The following C4orf50 variants were observed in gnomAD, a reference collection of about 807,000 sequenced individuals.
C4orf50 encodes uncharacterized protein C4orf50.
C4orf50 carries 80 observed loss-of-function variants against 77.2 expected under a neutral mutation model. That is an observed-to-expected ratio of 1.04 (90% CI 0.87 to 1.25). The LOEUF is 1.25. Ranked by LOEUF, C4orf50 falls within the 50% of genes most tolerant of loss-of-function variation. The probability of loss-of-function intolerance (pLI) is 0.00; values close to 1 mark genes in which losing one functional copy is unlikely to be tolerated. For synonymous variants in C4orf50, 532 were observed against 465.3 expected (o/e 1.14, Z -1.84); for missense variants, 1,257 against 1,152.9 (o/e 1.09, Z -1.31).
At chr4:5,915,278 G>A (rs6827775) in intron 7 of C4orf50, among the ~76,000 whole-genome samples, 1,653 of 152,214 alleles carry the variant, frequency 0.011, 34 homozygotes, top group African/African-American at 0.038. Flanking sequence ...TTGTCCACAC[G>A]CTTTAAGGTT....
chr4:5,983,277 C>T (rs1577964459), intron 28 of C4orf50, among the ~76,000 whole-genome samples: 1 of 152,326 alleles, frequency 6.6e-6, no homozygotes, highest in East Asian at 1.9e-4. Flanking sequence ...GGCTTCCTAC[C>T]ACATCTAGAA....
At chr4:6,010,119 G>A (rs1485554472) in intron 24 of C4orf50, among the ~76,000 whole-genome samples, 1 of 152,030 alleles carries the variant, frequency 6.6e-6, no homozygotes, top group Non-Finnish European at 1.5e-5. Context: ...AATTCACCTC[G>A]GAAATCCTAC....
In C4orf50 at chr4:5,992,855, G is replaced by A. The variant is rs564896882; in HGVS notation, c.1169C>T (p.Pro390Leu). ...TCTGGGGAGCTCGCTTGTGGTCTCC[G>A]GGCCTGGAGCCAAAACAGAAGAGGC... The change falls in exon 27 of 34, where the codon CCG (proline) becomes CTG (leucine). Residue 390 changes from proline (P) to leucine (L), a missense_variant. By Grantham distance (98) the Pro-to-Leu change is moderately conservative. Coordinates refer to ENST00000531445, the Ensembl canonical transcript of C4orf50. The surrounding 1 kb of genome is among the most constrained non-coding windows in gnomAD (Gnocchi z 5.0). 761 of 399,106 alleles carry A rather than the reference G, an allele frequency of 1.9e-3. 3 individuals carry two copies. The highest frequency in any genetic ancestry group is 8.8e-3 in the Middle Eastern group (14 of 1,588). The allele number at this position is 399,106 out of a possible 1,614,324, so 24.7% of individuals were successfully genotyped here.
At position 6,008,297 on chromosome 4, in the gene C4orf50, G is replaced by A; in HGVS notation, c.662C>T (p.Ala221Val). The change falls in exon 25 of 34, where the codon GCC becomes GTC. Residue 221 changes from alanine to valine, a missense_variant. Physicochemically the swap from Ala to Val is moderately conservative, Grantham distance 64 (BLOSUM62 0). Coordinates refer to ENST00000531445, the Ensembl canonical transcript of C4orf50. The surrounding 1 kb of genome is among the most constrained non-coding windows in gnomAD (Gnocchi z 6.0). ...GCCTGGGGCCGCGGTGTCCCACTGGGCCAGCAGGAGGCCCGCGGCGCGGCA... is the reference window on the plus strand; with the variant it reads ...GCCTGGGGCCGCGGTGTCCCACTGGACCAGCAGGAGGCCCGCGGCGCGGCA... 2.6e-6 allele frequency: 1 copy of A among 390,084 alleles called. No individual in the cohort carries two copies. The highest frequency in any genetic ancestry group is 6.5e-4 in the Middle Eastern group (1 of 1,542). 24.2% of individuals were successfully genotyped at this position (390,084 alleles called of 1,614,324 possible). A position where few individuals can be genotyped will look rare whatever the true frequency, so the allele number is the denominator to read the frequency against.
intron 33 of C4orf50, among the ~76,000 whole-genome samples, chr4:5,964,147 C>T (rs1393463357): frequency 6.6e-6 from 1 of 152,156 alleles, no homozygotes; most frequent in Non-Finnish European, 1.5e-5. Flanking sequence ...CAATTGAGGA[C>T]CTATTTTCCC....
intron 23 of C4orf50, among the ~76,000 whole-genome samples, chr4:6,013,245 T>C (rs766171896): frequency 1.3e-5 from 2 of 152,170 alleles, no homozygotes; most frequent in African/African-American, 4.8e-5. Context: ...GAGTGTGCTC[T>C]CTCGTGAGGA....
intron 7 of C4orf50, among the ~76,000 whole-genome samples, chr4:5,922,151 C>T (rs1022958975): frequency 1.3e-5 from 2 of 152,158 alleles, no homozygotes; most frequent in Non-Finnish European, 2.9e-5. Flanking sequence ...AGGGTGGAGG[C>T]TGTCAGAGCC....
chr4:6,013,812 G>T (rs879849743), intron 23 of C4orf50, among the ~76,000 whole-genome samples: 4 of 152,090 alleles, frequency 2.6e-5, no homozygotes, highest in Non-Finnish European at 5.9e-5. Context: ...AGAGGGCTTG[G>T]CTCCACCGAC....
intron 7 of C4orf50, among the ~76,000 whole-genome samples, chr4:5,925,306 T>G (rs567838857): frequency 1.3e-4 from 20 of 152,162 alleles, no homozygotes; most frequent in African/African-American, 4.8e-4. Context: ...GGGAGGGCTG[T>G]TGGGGGACCC....
intron 7 of C4orf50, among the ~76,000 whole-genome samples, chr4:5,924,743 C>T (rs1717438813): frequency 6.6e-6 from 1 of 152,144 alleles, no homozygotes; most frequent in Non-Finnish European, 1.5e-5. Context: ...AGAGGGGTAT[C>T]CACTTGCACA....
At chr4:5,988,822 A>C (rs1385932010) in exon 28 of C4orf50, 1 of 1,535,962 alleles carries the variant, frequency 6.5e-7, no homozygotes, top group Non-Finnish European at 8.7e-7. Context: ...TATTCCTAGC[A>C]CGATATCCTT....
rs570077294 is a variant in C4orf50 at position 6,015,156 on chromosome 4, C to T, written c.287+2989G>A. Among the ~76,000 whole-genome samples, 3 of 152,350 alleles carry T rather than the reference C, an allele frequency of 2.0e-5. No homozygotes were observed. In the East Asian group the frequency reaches 5.8e-4, roughly 29 times the overall value. ...CAGGACTTCTGTTATGGGCTCAACA[C>T]ATCCCTGCATCCTGTGTTGAAGGCC... On this transcript the variant is annotated intron_variant, in intron 23 of 33. Coordinates refer to ENST00000531445, the Ensembl canonical transcript of C4orf50. The surrounding 1 kb of genome is among the most constrained non-coding windows in gnomAD (Gnocchi z 4.4).
intron 25 of C4orf50, among the ~76,000 whole-genome samples, chr4:6,004,324 A>ATGT (rs1722112746): frequency 1.1e-5 from 1 of 94,340 alleles, no homozygotes; most frequent in African/African-American, 4.6e-5. Flanking sequence ...TGTGATCGTA[A>ATGT]TGGTGATGAT....
At chr4:5,927,527 T>C (rs936806302) in intron 7 of C4orf50, among the ~76,000 whole-genome samples, 18 of 151,860 alleles carry the variant, frequency 1.2e-4, no homozygotes, top group African/African-American at 3.1e-4. Context: ...TAGGAGGTGA[T>C]TAGATCATGG....
intron 31 of C4orf50, among the ~76,000 whole-genome samples, chr4:5,973,095 T>C (rs1720026457): frequency 6.6e-6 from 1 of 152,238 alleles, no homozygotes; most frequent in Non-Finnish European, 1.5e-5. Flanking sequence ...AAGATGGCTA[T>C]GGAGCGGCTC....
rs571222333 is a variant in C4orf50, at chr4:5,977,228, G to A, written c.3865-1273C>T. ...GGAACAGCCTAGCCGAGTCCTATCTGAATTCTGGACCCATAAGATACAACA... is the reference window on the plus strand; with the variant it reads ...GGAACAGCCTAGCCGAGTCCTATCTAAATTCTGGACCCATAAGATACAACA... On this transcript the variant is annotated intron_variant, in intron 29 of 33. Transcript: ENST00000531445. Among the ~76,000 whole-genome samples, 7 of 152,286 alleles carry A rather than the reference G, an allele frequency of 4.6e-5. No individual in the cohort carries two copies. In the East Asian group the frequency reaches 1.2e-3, roughly 25 times the overall value.
At chr4:5,989,309 C>T (rs777823989) in exon 28 of C4orf50, 8 of 1,535,920 alleles carry the variant, frequency 5.2e-6, no homozygotes, top group Admixed American at 2.0e-5. Flanking sequence ...CAGGGCTCAG[C>T]AGGCCCCTGT....
At chr4:5,945,174 C>T (rs968893315) in intron 7 of C4orf50, among the ~76,000 whole-genome samples, 12 of 152,210 alleles carry the variant, frequency 7.9e-5, no homozygotes, top group African/African-American at 1.4e-4. Flanking sequence ...TCCGAGCCCC[C>T]CAGTCCCCTC....
chr4:5,903,770 A>C (rs941430687), intron 7 of C4orf50: 3 of 152,222 alleles, frequency 2.0e-5, no homozygotes, highest in African/African-American at 7.2e-5. Context: ...TGAAATGGAT[A>C]CTTAAAAATG....
Sources: allele counts gnomAD v4.1 joint callset (sites outside exome capture counted in the v4.1 genomes callset), GRCh38; gene constraint gnomAD v4.1.1; non-coding constraint Gnocchi (gnomAD v3.1); transcripts MANE v1.5; gene names NCBI Gene and HGNC (gene_info 2026-07-23, HGNC 2026-07-21).